UVRAG: variants seen among roughly 807,000 people sequenced by gnomAD.
The protein encoded by UVRAG is UV radiation resistance-associated gene protein.
Under a neutral mutation model 78.0 loss-of-function variants are expected in UVRAG, and 19 were observed. The ratio of observed to expected loss-of-function variants is 0.24; its 90% CI spans 0.17 to 0.36. UVRAG has a LOEUF of 0.36. Among genes scored for constraint, UVRAG ranks in the 10% least tolerant of loss-of-function variants. The pLI, the probability that UVRAG is intolerant of heterozygous loss-of-function variation, is 1.00. For synonymous variants in UVRAG, 323 were observed against 324.6 expected (o/e 1.00, Z 0.05); for missense variants, 740 against 853.8 (o/e 0.87, Z 1.66).
intron 7 of UVRAG, among the ~76,000 whole-genome samples, chr11:75,974,351 C>CTTTTTTTTT (rs1188190094): frequency 3.6e-5 from 3 of 83,700 alleles, no homozygotes; most frequent in Non-Finnish European, 7.1e-5. Context: ...TAAATGTCTT[C>CTTTTTTTTT]TTTTTTTTTT....
chr11:75,985,711 A>G (rs1384955301), intron 8 of UVRAG, among the ~76,000 whole-genome samples: 4 of 152,036 alleles, frequency 2.6e-5, no homozygotes, highest in Non-Finnish European at 5.9e-5. Context: ...TTTGTATGTG[A>G]TGTAAGGTAG....
intron 3 of UVRAG, among the ~76,000 whole-genome samples, chr11:75,865,995 G>A (rs1946528109): frequency 6.6e-6 from 1 of 152,020 alleles, no homozygotes; most frequent in Non-Finnish European, 1.5e-5. Flanking sequence ...AGTGGCTCAT[G>A]CCTATAATCT....
intron 1 of UVRAG, among the ~76,000 whole-genome samples, chr11:75,818,169 TA>T (rs1225022271): frequency 6.6e-6 from 1 of 152,208 alleles, no homozygotes; most frequent in Non-Finnish European, 1.5e-5. Context: ...CCTTTTTCTC[TA>T]AAGGAACCAC....
intron 6 of UVRAG, among the ~76,000 whole-genome samples, chr11:75,922,239 T>A (rs1380952461): frequency 1.3e-5 from 2 of 152,138 alleles, no homozygotes; most frequent in African/African-American, 4.8e-5. Context: ...ATTGTAGTTC[T>A]CTTTATATGG....
At chr11:76,077,621 G>A (rs779876289) in intron 13 of UVRAG, among the ~76,000 whole-genome samples, 10 of 152,170 alleles carry the variant, frequency 6.6e-5, no homozygotes, top group Non-Finnish European at 1.5e-4. Context: ...CCCTTAAAGT[G>A]TTGGTATTAT....
chr11:76,103,170 G>A (rs570758272), intron 13 of UVRAG, among the ~76,000 whole-genome samples: 11 of 152,192 alleles, frequency 7.2e-5, no homozygotes, highest in Middle Eastern at 3.4e-3. Flanking sequence ...GCCAGCCAGA[G>A]AAACCTCTGC....
chr11:76,112,703 T>G (rs1952097319), intron 13 of UVRAG, among the ~76,000 whole-genome samples: 1 of 151,730 alleles, frequency 6.6e-6, no homozygotes. Context: ...AGTTTTAAGG[T>G]TTTTTATTCT....
intron 12 of UVRAG, among the ~76,000 whole-genome samples, chr11:76,027,067 A>T (rs1950339098): frequency 6.6e-6 from 1 of 152,158 alleles, no homozygotes; most frequent in Non-Finnish European, 1.5e-5. Flanking sequence ...CATTTCACAA[A>T]TGGAGAAACA....
intron 12 of UVRAG, among the ~76,000 whole-genome samples, chr11:76,045,943 G>A (rs1950745651): frequency 6.6e-6 from 1 of 152,028 alleles, no homozygotes; most frequent in South Asian, 2.1e-4. Context: ...CATTTTAAAA[G>A]CCCACACTAA....
intron 13 of UVRAG, among the ~76,000 whole-genome samples, chr11:76,078,752 CAAAAAAAAAAAAAA>C (rs61700855): frequency 8.1e-5 from 3 of 37,202 alleles, no homozygotes; most frequent in Non-Finnish European, 1.3e-4. Flanking sequence ...ACTAAAAATA[CAAAAAAAAAAAAAA>C]AAAAAAAAAA....
At chr11:75,993,801 A>G (rs558155136) in intron 8 of UVRAG, among the ~76,000 whole-genome samples, 40 of 152,326 alleles carry the variant, frequency 2.6e-4, no homozygotes, top group Non-Finnish European at 7.3e-5. Context: ...CAGGCTGTAC[A>G]GGAAGCATGA....
intron 13 of UVRAG, among the ~76,000 whole-genome samples, chr11:76,068,132 C>T (rs916130315): frequency 2.0e-5 from 3 of 152,086 alleles, no homozygotes; most frequent in African/African-American, 4.8e-5. Flanking sequence ...TTCTCAAGGG[C>T]CCAAAAGGAT....
intron 13 of UVRAG, among the ~76,000 whole-genome samples, chr11:76,092,358 T>C (rs1036780824): frequency 4.3e-4 from 65 of 152,214 alleles, no homozygotes; most frequent in African/African-American, 1.5e-3. Flanking sequence ...TACCCAGTAA[T>C]AGGATGGCTG....
intron 1 of UVRAG, among the ~76,000 whole-genome samples, chr11:75,848,071 G>A (rs908439484): frequency 2.0e-5 from 3 of 151,094 alleles, no homozygotes; most frequent in Non-Finnish European, 4.4e-5. Context: ...GGTGGCATAT[G>A]CCTGTGGTCC....
At chr11:76,106,581 T>C (rs1951974972) in intron 13 of UVRAG, among the ~76,000 whole-genome samples, 1 of 152,152 alleles carries the variant, frequency 6.6e-6, no homozygotes, top group Non-Finnish European at 1.5e-5. Flanking sequence ...TTGGCCAGGC[T>C]GGTCTCGAAC....
At chr11:76,050,579 G>C (rs547931403) in intron 12 of UVRAG, among the ~76,000 whole-genome samples, 2 of 152,276 alleles carry the variant, frequency 1.3e-5, no homozygotes, top group South Asian at 4.1e-4. Flanking sequence ...TTTGATTTCA[G>C]AAGGCAACAA....
At chr11:75,840,873 A>C (rs981550575) in intron 1 of UVRAG, among the ~76,000 whole-genome samples, 7 of 152,214 alleles carry the variant, frequency 4.6e-5, no homozygotes, top group African/African-American at 1.4e-4. Context: ...TTAGGAAAAT[A>C]TAGGTGATTG....
chr11:76,119,220 A>T (rs1488620024), intron 14 of UVRAG, among the ~76,000 whole-genome samples: 1 of 151,594 alleles, frequency 6.6e-6, no homozygotes, highest in Non-Finnish European at 1.5e-5. Context: ...TTCCTGAAAC[A>T]CTCTTCCTTG....
chr11:75,983,724 A>G (rs1463822124), intron 8 of UVRAG: 8 of 536,840 alleles, frequency 1.5e-5, no homozygotes, highest in Middle Eastern at 5.2e-4. Flanking sequence ...GGTATAAACT[A>G]CTACTACACA....
Sources: gnomAD v4.1 joint callset for allele counts (sites outside exome capture counted in the v4.1 genomes callset) on GRCh38, gnomAD v4.1.1 for gene constraint, MANE v1.5 for transcripts, NCBI Gene and HGNC (gene_info 2026-07-23, HGNC 2026-07-21) for gene names.